HCN1: variants seen among roughly 807,000 people sequenced by gnomAD.
HCN1 encodes the protein potassium/sodium hyperpolarization-activated cyclic nucleotide-gated channel 1.
In HCN1, 13 loss-of-function variants were observed where a neutral mutation model predicts 78.9. The observed-to-expected ratio is 0.16, with a 90% CI of 0.11 to 0.26. HCN1 has a LOEUF of 0.26. HCN1 is among the 10% of genes least tolerant of loss of function. The probability of loss-of-function intolerance (pLI) is 1.00; values close to 1 mark genes in which losing one functional copy is unlikely to be tolerated. For synonymous variants in HCN1, 552 were observed against 455.5 expected, an observed-to-expected ratio of 1.21 and a Z score of -2.70; for missense variants, 810 against 1,154.3, an observed-to-expected ratio of 0.70 and a Z score of 4.32.
At chr5:45,526,813 T>A (rs1308985444) in intron 2 of HCN1, among the ~76,000 whole-genome samples, 1 of 152,000 alleles carries the variant, frequency 6.6e-6, no homozygotes, top group Non-Finnish European at 1.5e-5. Context: ...TTGCTTTAGG[T>A]TCTGGTCTGT....
intron 4 of HCN1, among the ~76,000 whole-genome samples, chr5:45,391,392 TAACTC>T (rs1048479338): frequency 5.9e-5 from 9 of 152,160 alleles, no homozygotes; most frequent in Non-Finnish European, 1.3e-4. Flanking sequence ...ACCAAATTAG[TAACTC>T]AACTAAGCTT....
chr5:45,292,133 C>A (rs927478836), intron 6 of HCN1, among the ~76,000 whole-genome samples: 2 of 151,766 alleles, frequency 1.3e-5, no homozygotes, highest in Non-Finnish European at 2.9e-5. Flanking sequence ...AATAAATGAA[C>A]ACTCTTAGGG....
At chr5:45,495,100 T>C (rs1741995642) in intron 2 of HCN1, among the ~76,000 whole-genome samples, 1 of 141,618 alleles carries the variant, frequency 7.1e-6, no homozygotes, top group African/African-American at 2.7e-5. Flanking sequence ...TTTGGTTCCA[T>C]ATGAACTTTA....
At chr5:45,569,287 T>C (rs1337647923) in intron 2 of HCN1, among the ~76,000 whole-genome samples, 1 of 152,202 alleles carries the variant, frequency 6.6e-6, no homozygotes, top group Non-Finnish European at 1.5e-5. Flanking sequence ...CTCTTATTAA[T>C]CTTTTCTTGT....
At chr5:45,600,294 A>AC (rs553227935) in intron 2 of HCN1, among the ~76,000 whole-genome samples, 209 of 152,082 alleles carry the variant, frequency 1.4e-3, no homozygotes, top group African/African-American at 5.0e-3. Flanking sequence ...TGATTAATTG[A>AC]CCCCAAAATA....
chr5:45,594,524 G>A (rs373138409), intron 2 of HCN1, among the ~76,000 whole-genome samples: 13 of 152,112 alleles, frequency 8.5e-5, no homozygotes, highest in African/African-American at 3.1e-4. Flanking sequence ...CTGAATGACT[G>A]CTATGGAAAA....
At chr5:45,651,219 A>G (rs1745670453) in intron 1 of HCN1, among the ~76,000 whole-genome samples, 1 of 152,014 alleles carries the variant, frequency 6.6e-6, no homozygotes, top group Admixed American at 6.6e-5. Flanking sequence ...CACTTCTAAA[A>G]GAAAGAAATA....
At chr5:45,657,814 C>T (rs1745805149) in intron 1 of HCN1, among the ~76,000 whole-genome samples, 1 of 152,118 alleles carries the variant, frequency 6.6e-6, no homozygotes, top group South Asian at 2.1e-4. Flanking sequence ...GGCCATACTG[C>T]CCAAGGTAAT....
At chr5:45,322,094 T>A (rs994279749) in intron 5 of HCN1, among the ~76,000 whole-genome samples, 1 of 151,890 alleles carries the variant, frequency 6.6e-6, no homozygotes, top group Non-Finnish European at 1.5e-5. Context: ...TGAACTTATT[T>A]CCTCTAATAA....
At chr5:45,341,850 C>A (rs28856284) in intron 5 of HCN1, among the ~76,000 whole-genome samples, 26,568 of 152,116 alleles carry the variant, frequency 0.17, 2,556 homozygotes, top group East Asian at 0.32. Flanking sequence ...GCAGAGTCTT[C>A]CACCACTACA....
intron 2 of HCN1, among the ~76,000 whole-genome samples, chr5:45,612,604 T>A (rs1422156083): frequency 2.0e-5 from 3 of 152,182 alleles, no homozygotes; most frequent in African/African-American, 7.2e-5. Context: ...TTGTATCAGA[T>A]CATGTTATTT....
chr5:45,649,687 TATTTAAAG>T (rs1455009995), intron 1 of HCN1, among the ~76,000 whole-genome samples: 1 of 152,128 alleles, frequency 6.6e-6, no homozygotes, highest in Non-Finnish European at 1.5e-5. Context: ...TGATTCAAGT[TATTTAAAG>T]TTCAAAACTG....
At chr5:45,547,159 C>A (rs1661966314) in intron 2 of HCN1, among the ~76,000 whole-genome samples, 1 of 151,854 alleles carries the variant, frequency 6.6e-6, no homozygotes, top group Non-Finnish European at 1.5e-5. Context: ...AATTGTTAAT[C>A]TTTTAATAGA....
At chr5:45,466,487 A>T (rs1438431825) in intron 2 of HCN1, among the ~76,000 whole-genome samples, 1 of 152,198 alleles carries the variant, frequency 6.6e-6, no homozygotes, top group Non-Finnish European at 1.5e-5. Flanking sequence ...AAATGGGCCA[A>T]AAATGCCTGT....
At chr5:45,271,053 A>G (rs1000027920) in intron 6 of HCN1, among the ~76,000 whole-genome samples, 6 of 152,096 alleles carry the variant, frequency 3.9e-5, no homozygotes, top group Non-Finnish European at 5.9e-5. Context: ...TGGTAAGAAA[A>G]TCTTCAAGGA....
In HCN1 at chr5:45,496,119, A is replaced by G. The variant is rs1358133743; in HGVS notation, c.850-34112T>C. ...ATCAGAATGATGCTGGCCTCATAAA[A>G]TGAGTTAGGGAGGATTCCCTCTTTT... On this transcript the variant is annotated intron_variant, in intron 2 of 7. Transcript: ENST00000303230. Among the ~76,000 whole-genome samples the G allele has an allele frequency of 2.8e-4, 43 of 152,236 alleles. No homozygotes were observed. The East Asian group carries it at 8.1e-3, about 29-fold the overall frequency.
At chr5:45,531,270 T>A (rs2111803274) in intron 2 of HCN1, among the ~76,000 whole-genome samples, 1 of 152,288 alleles carries the variant, frequency 6.6e-6, no homozygotes, top group South Asian at 2.1e-4. Context: ...TCTTAAATGT[T>A]TCTCTAATTT....
At chr5:45,546,919 G>A (rs1010715455) in intron 2 of HCN1, among the ~76,000 whole-genome samples, 2 of 151,782 alleles carry the variant, frequency 1.3e-5, no homozygotes, top group Non-Finnish European at 2.9e-5. Context: ...ATCCTCTACA[G>A]ATTTTCAAAT....
At chr5:45,531,350 C>T (rs1327511218) in intron 2 of HCN1, among the ~76,000 whole-genome samples, 1 of 152,086 alleles carries the variant, frequency 6.6e-6, no homozygotes, top group Non-Finnish European at 1.5e-5. Context: ...TGTTTGGGGC[C>T]TTGAAATAGC....
Sources: allele counts gnomAD v4.1 joint callset (sites outside exome capture counted in the v4.1 genomes callset), GRCh38; gene constraint gnomAD v4.1.1; transcripts MANE v1.5; gene names NCBI Gene and HGNC (gene_info 2026-07-23, HGNC 2026-07-21).